The following MARCHF8 variants were observed in gnomAD, a reference collection of about 807,000 sequenced individuals.
MARCHF8 encodes E3 ubiquitin-protein ligase MARCHF8.
A neutral mutation model predicts 51.6 loss-of-function variants in MARCHF8; 40 were observed. The ratio of observed to expected loss-of-function variants is 0.77; its 90% CI spans 0.60 to 1.01. The LOEUF (loss-of-function observed/expected upper bound fraction) is 1.01, where lower values mean the gene tolerates loss of function less well. Ranked by LOEUF, MARCHF8 falls within the 50% of genes least tolerant of loss-of-function variation. The pLI is 0.00. For missense variants in MARCHF8, 685 were observed against 708.6 expected (o/e 0.97, Z 0.38); for synonymous variants, 263 against 280.3 (o/e 0.94, Z 0.62).
intron 2 of MARCHF8, among the ~76,000 whole-genome samples, chr10:45,503,485 G>A (rs11239539): frequency 0.014 from 2,072 of 151,942 alleles, 17 homozygotes; most frequent in South Asian, 0.029. Context: ...GCAGTGAGCC[G>A]AGATATCGTG....
At chr10:45,588,257 T>C (rs191085707) in intron 1 of MARCHF8, among the ~76,000 whole-genome samples, 33 of 151,916 alleles carry the variant, frequency 2.2e-4, no homozygotes, top group Admixed American at 9.2e-4. Flanking sequence ...CATACAGTCA[T>C]ACAACATTTC....
At chr10:45,536,070 A>T (rs1279313908), upstream of MARCHF8, among the ~76,000 whole-genome samples, 2 of 152,230 alleles carry the variant, frequency 1.3e-5, no homozygotes, top group Non-Finnish European at 1.5e-5. Flanking sequence ...CTGAAAATTT[A>T]TATAAAATTC....
chr10:45,508,062 A>C (rs2043420644), intron 2 of MARCHF8, among the ~76,000 whole-genome samples: 1 of 152,154 alleles, frequency 6.6e-6, no homozygotes, highest in Non-Finnish European at 1.5e-5. Context: ...CTCACTTATG[A>C]AAGAGCCAAA....
At chr10:45,537,441 C>T (rs1415316380), upstream of MARCHF8, among the ~76,000 whole-genome samples, 3 of 151,950 alleles carry the variant, frequency 2.0e-5, no homozygotes, top group African/African-American at 7.3e-5. Context: ...TCGCTTGAGC[C>T]CAGGAGTTCC....
At chr10:45,492,972 T>A (rs2043111654) in intron 2 of MARCHF8, among the ~76,000 whole-genome samples, 1 of 152,270 alleles carries the variant, frequency 6.6e-6, no homozygotes, top group Non-Finnish European at 1.5e-5. Flanking sequence ...AGTGTCATGC[T>A]GACATTCCAA....
At chr10:45,472,300 A>T (rs1033557717) in intron 3 of MARCHF8, among the ~76,000 whole-genome samples, 6 of 152,208 alleles carry the variant, frequency 3.9e-5, no homozygotes, top group Non-Finnish European at 7.3e-5. Flanking sequence ...TTATAAGAAG[A>T]TGTTACTGGG....
intron 2 of MARCHF8, among the ~76,000 whole-genome samples, chr10:45,511,520 G>A (rs943507735): frequency 7.9e-5 from 12 of 152,188 alleles, no homozygotes; most frequent in South Asian, 4.1e-4. Flanking sequence ...TGATTCTCCT[G>A]CCTCAGCCTG....
intron 1 of MARCHF8, among the ~76,000 whole-genome samples, chr10:45,551,987 C>T (rs1215321485): frequency 6.6e-6 from 1 of 152,114 alleles, no homozygotes; most frequent in East Asian, 1.9e-4. Context: ...TATATGATCC[C>T]TGGAGTGTTG....
At chr10:45,466,353 G>A (rs1329760293) in intron 3 of MARCHF8, among the ~76,000 whole-genome samples, 2 of 152,146 alleles carry the variant, frequency 1.3e-5, no homozygotes, top group African/African-American at 4.8e-5. Flanking sequence ...ACACACATAG[G>A]CAAGGCTAAA....
At chr10:45,512,096 C>T (rs1436882153) in intron 2 of MARCHF8, among the ~76,000 whole-genome samples, 1 of 151,246 alleles carries the variant, frequency 6.6e-6, no homozygotes, top group Non-Finnish European at 1.5e-5. Context: ...GCCTCTGCCC[C>T]GCCGCCCCGT....
In MARCHF8 at chr10:45,457,967, C is replaced by A; in HGVS notation, c.*272G>T. On this transcript the variant is annotated 3_prime_UTR_variant, in exon 8 of 8. Coordinates refer to ENST00000453424, the MANE Select transcript of MARCHF8 (RefSeq NM_001282866.2). Reference sequence around the variant, plus strand: ...TTTATTCTCTCATTCAGCTCAAGACCATGGGCAGGAACTCTGCTGGCTCCC... The same window carrying A: ...TTTATTCTCTCATTCAGCTCAAGACAATGGGCAGGAACTCTGCTGGCTCCC... 1 of 450,332 alleles carries A rather than the reference C, an allele frequency of 2.2e-6. No individual in the cohort carries two copies. Among genetic ancestry groups the A allele is most frequent in the African/African-American group, 2.0e-5 (1 of 49,812 alleles). The allele number at this position is 450,332 out of a possible 1,614,324, so 27.9% of individuals were successfully genotyped here.
intron 3 of MARCHF8, among the ~76,000 whole-genome samples, chr10:45,483,970 A>G (rs1043848704): frequency 6.6e-6 from 1 of 152,226 alleles, no homozygotes; most frequent in Non-Finnish European, 1.5e-5. Context: ...AGATAGTCAC[A>G]ATAAGTTCTA....
chr10:45,502,843 A>C (rs914268506), intron 2 of MARCHF8, among the ~76,000 whole-genome samples: 3 of 152,222 alleles, frequency 2.0e-5, no homozygotes, highest in Non-Finnish European at 4.4e-5. Context: ...TCAGCAATAA[A>C]GAAAGAGCAA....
chr10:45,464,714 C>A (rs1824719782), intron 3 of MARCHF8, among the ~76,000 whole-genome samples: 2 of 152,220 alleles, frequency 1.3e-5, no homozygotes, highest in South Asian at 4.1e-4. Context: ...CCCTAGCACT[C>A]TCTCCTAGTT....
intron 3 of MARCHF8, among the ~76,000 whole-genome samples, chr10:45,467,392 A>C (rs544634471): frequency 9.8e-5 from 15 of 152,342 alleles, no homozygotes; most frequent in Non-Finnish European, 1.6e-4. Context: ...CACAGCTCCC[A>C]GAAGAGGCTC....
At chr10:45,574,329 G>A (rs911381889) in intron 1 of MARCHF8, among the ~76,000 whole-genome samples, 3 of 152,266 alleles carry the variant, frequency 2.0e-5, no homozygotes, top group South Asian at 2.1e-4. Context: ...AGTCTTACAG[G>A]TTAGTTCAGG....
intron 1 of MARCHF8, among the ~76,000 whole-genome samples, chr10:45,550,104 C>T (rs750707652): frequency 6.6e-6 from 1 of 152,194 alleles, no homozygotes; most frequent in African/African-American, 2.4e-5. Context: ...GTTGTTTTCG[C>T]TGCTTTTTCC....
At chr10:45,491,347 G>C (rs35911307) in intron 2 of MARCHF8, among the ~76,000 whole-genome samples, 479 of 152,306 alleles carry the variant, frequency 3.1e-3, no homozygotes, top group Middle Eastern at 6.8e-3. Context: ...AGACCCGCCT[G>C]ACCAACATGG....
At chr10:45,476,264 A>G (rs1339460524) in intron 3 of MARCHF8, among the ~76,000 whole-genome samples, 2 of 152,218 alleles carry the variant, frequency 1.3e-5, no homozygotes, top group Admixed American at 1.3e-4. Flanking sequence ...CAAAATAATG[A>G]TATTAAAACT....
Sources: gnomAD v4.1 joint callset for allele counts (sites outside exome capture counted in the v4.1 genomes callset) on GRCh38, gnomAD v4.1.1 for gene constraint, MANE v1.5 for transcripts, NCBI Gene and HGNC (gene_info 2026-07-23, HGNC 2026-07-21) for gene names.